UNKL: variants seen among roughly 807,000 people sequenced by gnomAD.
UNKL encodes unk like zinc finger.
In UNKL, 60 loss-of-function variants were observed where a neutral mutation model predicts 78.0. The ratio of observed to expected loss-of-function variants is 0.77; its 90% CI spans 0.63 to 0.95. The LOEUF (loss-of-function observed/expected upper bound fraction) is 0.95, where lower values mean the gene tolerates loss of function less well. Among genes scored for constraint, UNKL ranks in the 40% least tolerant of loss-of-function variants. The pLI, the probability that UNKL is intolerant of heterozygous loss-of-function variation, is 0.00. For missense variants in UNKL, 1,159 were observed against 1,045.7 expected (o/e 1.11, Z -1.49); for synonymous variants, 608 against 474.8 (o/e 1.28, Z -3.65).
At chr16:1,374,212 G>A (rs1447242722) in intron 10 of UNKL, among the ~76,000 whole-genome samples, 2 of 152,156 alleles carry the variant, frequency 1.3e-5, no homozygotes, top group African/African-American at 4.8e-5. Context: ...CACCACACAG[G>A]GACTGTTGCG....
At chr16:1,380,602 C>G (rs1251539581) in intron 10 of UNKL, among the ~76,000 whole-genome samples, 1 of 139,226 alleles carries the variant, frequency 7.2e-6, no homozygotes. Flanking sequence ...TACATTGCCT[C>G]TAACTAAGGC....
chr16:1,406,577 C>T (rs191579364), intron 2 of UNKL, among the ~76,000 whole-genome samples: 3 of 152,188 alleles, frequency 2.0e-5, no homozygotes, highest in African/African-American at 7.2e-5. Flanking sequence ...TGGGCTCAAG[C>T]GATCCACTTG....
At chr16:1,401,532 CCCCA>C in intron 4 of UNKL, 32 bp downstream of exon 4, 2 of 1,488,178 alleles carry the variant, frequency 1.3e-6, no homozygotes, top group Non-Finnish European at 1.8e-6. Flanking sequence ...TGCCCGCCCC[CCCCA>C]CCACCGCCCT....
intron 10 of UNKL, among the ~76,000 whole-genome samples, chr16:1,380,803 T>C (rs2036578429): frequency 6.6e-6 from 1 of 150,530 alleles, no homozygotes. Context: ...ACCACCTGAG[T>C]AGCTGGGATT....
Position 1,363,548 on chromosome 16 carries a change from A to AACATGC in UNKL, c.*2686_*2691dup, listed in dbSNP as rs1222328123. On this transcript the variant is annotated 3_prime_UTR_variant, in exon 15 of 15. Coordinates refer to ENST00000389221, the MANE Select transcript of UNKL (RefSeq NM_001372107.1). ...AGAGTTACAGACGACAGGCAACAAG[A>AACATGC]ACATGCAGAGCCGGCCGCCAGCCAG... 3 of 244,322 alleles carry AACATGC rather than the reference A, an allele frequency of 1.2e-5. No individual in the cohort carries two copies. The highest frequency in any genetic ancestry group is 1.0e-4 in the Admixed American group (2 of 19,124). The allele number at this position is 244,322 out of a possible 1,614,324, so 15.1% of individuals were successfully genotyped here.
chr16:1,390,599 G>C lies in UNKL; in HGVS notation c.1086+33C>G, dbSNP rs973571699. On this transcript the variant is annotated intron_variant, in intron 9 of 14. Transcript: ENST00000389221. ...AAGCCTCAGCCCTAACGCGACATCA[G>C]GCACGAGGGTGGGAAACCTTGGGGG... is the stretch of plus-strand genomic sequence containing the variant. 206 of 1,535,070 alleles carry C rather than the reference G, an allele frequency of 1.3e-4. 1 individual carries two copies. Among genetic ancestry groups the C allele is most frequent in the Middle Eastern group, 5.0e-4 (3 of 5,972 alleles).
chr16:1,377,871 C>T (rs564858770), intron 10 of UNKL, among the ~76,000 whole-genome samples: 1 of 152,300 alleles, frequency 6.6e-6, no homozygotes, highest in African/African-American at 2.4e-5. Context: ...GGGCTGCTCG[C>T]TCAACCCACA....
intron 12 of UNKL, among the ~76,000 whole-genome samples, chr16:1,369,097 G>C (rs1219780166): frequency 8.9e-6 from 1 of 111,828 alleles, no homozygotes; most frequent in Non-Finnish European, 1.7e-5. Context: ...ATGGAGTCTA[G>C]CTCTATCGCC....
At chr16:1,377,996 C>T (rs930148079) in intron 10 of UNKL, among the ~76,000 whole-genome samples, 1 of 152,200 alleles carries the variant, frequency 6.6e-6, no homozygotes, top group Non-Finnish European at 1.5e-5. Context: ...AAGCTTGTGC[C>T]CTTGCGCGTG....
At chr16:1,383,536 G>T in intron 10 of UNKL, 1 of 335,402 alleles carries the variant, frequency 3.0e-6, no homozygotes, top group South Asian at 2.2e-5. Flanking sequence ...GGATGGGACT[G>T]GTCTAGTGTC....
intron 9 of UNKL, among the ~76,000 whole-genome samples, chr16:1,388,469 G>A (rs571119686): frequency 6.6e-6 from 1 of 152,132 alleles, no homozygotes; most frequent in African/African-American, 2.4e-5. Flanking sequence ...AAACCAACAG[G>A]GACCAGAGAG....
chr16:1,413,461 C>T (rs1045190666), intron 2 of UNKL, among the ~76,000 whole-genome samples: 19 of 151,274 alleles, frequency 1.3e-4, no homozygotes, highest in Admixed American at 1.2e-3. Flanking sequence ...CCAGCTACTC[C>T]GGAGGCTGAG....
intron 9 of UNKL, among the ~76,000 whole-genome samples, chr16:1,385,738 C>T (rs955244664): frequency 6.6e-6 from 1 of 152,376 alleles, no homozygotes; most frequent in African/African-American, 2.4e-5. Flanking sequence ...AGGGGCAAGC[C>T]GTGCAGCCTG....
rs532955338 is a variant in UNKL, at chr16:1,366,136, C to T, written c.*104G>A. The T allele has an allele frequency of 7.5e-4, 994 of 1,322,852 alleles. 7 individuals carry two copies. In the Middle Eastern group the frequency reaches 8.2e-3, roughly 11 times the overall value. The allele number at this position is 1,322,852 out of a possible 1,614,324, so 81.9% of individuals were successfully genotyped here. ...GTGTAACAGGAAGGGCTCCCAGCCT[C>T]GGTCCTCACGTCGGTGGCACCAGAA... On this transcript the variant is annotated 3_prime_UTR_variant, in exon 15 of 15. Transcript: ENST00000389221.
Position 1,413,852 on chromosome 16 carries a change from C to T in UNKL, c.281G>A (p.Gly94Asp). 1.3e-6 allele frequency: 2 copies of T among 1,522,228 alleles called. No individual in the cohort carries two copies. The highest frequency in any genetic ancestry group is 1.8e-6 in the Non-Finnish European group (2 of 1,126,106). 94.3% of individuals were successfully genotyped at this position (1,522,228 alleles called of 1,614,324 possible). A position where few individuals can be genotyped will look rare whatever the true frequency, so the allele number is the denominator to read the frequency against. Residue 94 changes from glycine (G) to aspartate (D), a missense_variant, in exon 2 of 15, where the codon GGC (glycine) becomes GAC (aspartate). Physicochemically the swap from Gly to Asp is moderately conservative, Grantham distance 94 (BLOSUM62 -1). Coordinates refer to ENST00000389221, the MANE Select transcript of UNKL (RefSeq NM_001372107.1). ...YNEATGVCPD[G>D]DECPYLHRTT... The stretch of plus-strand genomic sequence containing the variant: ...CCCCCTCGCGGCCGCTTACTCGTCG[C>T]CGTCGGGGCACACGCCGGTGGCTTC...
chr16:1,363,602 CAG>C lies in UNKL; in HGVS notation c.*2636_*2637del, dbSNP rs977761329. The C allele has an allele frequency of 5.9e-4, 122 of 208,334 alleles. No individual in the cohort carries two copies. Among genetic ancestry groups the C allele is most frequent in the African/African-American group, 2.5e-3 (106 of 42,528 alleles). The allele number at this position is 208,334 out of a possible 1,614,324, so 12.9% of individuals were successfully genotyped here. A position where few individuals can be genotyped will look rare whatever the true frequency, so the allele number is the denominator to read the frequency against. On this transcript the variant is annotated 3_prime_UTR_variant, in exon 15 of 15. Coordinates refer to ENST00000389221, the MANE Select transcript of UNKL (RefSeq NM_001372107.1). ...CTACGCCCCGTGCCCGCCATGGCCA[CAG>C]GGGGGAGCTGCTGGGCGCGCCTCCA...
intron 10 of UNKL, among the ~76,000 whole-genome samples, chr16:1,374,362 G>A (rs2036051476): frequency 6.6e-6 from 1 of 152,192 alleles, no homozygotes; most frequent in South Asian, 2.1e-4. Flanking sequence ...ACTGGACAGT[G>A]TGCTGCTGAG....
Position 1,399,422 on chromosome 16 carries a change from T to C in UNKL, c.686A>G (p.Tyr229Cys), listed in dbSNP as rs773489639. 2 of 1,606,220 alleles carry C rather than the reference T, an allele frequency of 1.2e-6. No individual in the cohort carries two copies. The highest frequency in any genetic ancestry group is 2.2e-5 in the South Asian group (2 of 89,940). ...LCRQGYACPH[Y>C]HNSRDRRRNP... ...GCGCCGCCTGTCCCGGCTATTGTGGTAGTGTGGGCACGCATAGCCCTGGCG... is the reference window on the plus strand; with the variant it reads ...GCGCCGCCTGTCCCGGCTATTGTGGCAGTGTGGGCACGCATAGCCCTGGCG... The change falls in exon 5 of 15, where the codon TAC becomes TGC. Residue 229 changes from tyrosine (Y) to cysteine (C), a missense_variant. By Grantham distance (194) the Tyr-to-Cys change is radical. Coordinates refer to ENST00000389221, the MANE Select transcript of UNKL (RefSeq NM_001372107.1). The surrounding 1 kb of genome is among the most constrained non-coding windows in gnomAD (Gnocchi z 5.8).
At chr16:1,366,521 G>T in intron 14 of UNKL, 126 bp from the exon 15 acceptor site, 1 of 1,271,626 alleles carries the variant, frequency 7.9e-7, no homozygotes. Context: ...ACAGAGACAG[G>T]GTCAGGGAGA....
Sources: allele counts gnomAD v4.1 joint callset (sites outside exome capture counted in the v4.1 genomes callset), GRCh38; gene constraint gnomAD v4.1.1; non-coding constraint Gnocchi (gnomAD v3.1); transcripts MANE v1.5; gene names NCBI Gene and HGNC (gene_info 2026-07-23, HGNC 2026-07-21).